The following RPS6KC1 variants were observed in gnomAD, a reference collection of about 807,000 sequenced individuals.
RPS6KC1 encodes the protein inactive ribosomal protein S6 kinase delta-1.
A neutral mutation model predicts 103.8 loss-of-function variants in RPS6KC1; 54 were observed. The observed-to-expected ratio is 0.52, with a 90% CI of 0.42 to 0.65. The LOEUF (loss-of-function observed/expected upper bound fraction) is 0.65. RPS6KC1 is among the 30% of genes least tolerant of loss of function. The pLI, the probability that RPS6KC1 is intolerant of heterozygous loss-of-function variation, is 0.00. For missense variants in RPS6KC1, 1,151 were observed against 1,253.8 expected (o/e 0.92, Z 1.24); for synonymous variants, 439 against 438.7 (o/e 1.00, Z -0.01).
At chr1:213,151,905 G>C (rs1263766249) in intron 6 of RPS6KC1, among the ~76,000 whole-genome samples, 1 of 122,410 alleles carries the variant, frequency 8.2e-6, no homozygotes, top group Non-Finnish European at 1.7e-5. Context: ...CCTCCAAGAC[G>C]GGGCGGCTGG....
the RPS6KC1 span, among the ~76,000 whole-genome samples, chr1:213,661,901 AATGAG>A: frequency 6.6e-6 from 1 of 152,204 alleles, no homozygotes; most frequent in Non-Finnish European, 1.5e-5. Context: ...AGATTGAATG[AATGAG>A]ATATCACTAT....
chr1:213,667,632 C>T, the RPS6KC1 span, among the ~76,000 whole-genome samples: 1 of 152,112 alleles, frequency 6.6e-6, no homozygotes, highest in Non-Finnish European at 1.5e-5. Flanking sequence ...TAAAATAGTA[C>T]AGTGAAGTTT....
chr1:213,568,921 C>A, the RPS6KC1 span, among the ~76,000 whole-genome samples: 1 of 152,174 alleles, frequency 6.6e-6, no homozygotes, highest in Non-Finnish European at 1.5e-5. Context: ...TTGCCAACAA[C>A]CATGAGCGGG....
At chr1:213,764,074 G>C in the RPS6KC1 span, among the ~76,000 whole-genome samples, 1 of 152,156 alleles carries the variant, frequency 6.6e-6, no homozygotes, top group African/African-American at 2.4e-5. Context: ...TGTCAAATGT[G>C]TCCCCTAATT....
chr1:213,539,693 GA>G, the RPS6KC1 span, among the ~76,000 whole-genome samples: 5,317 of 152,290 alleles, frequency 0.035, 486 homozygotes, highest in East Asian at 0.28. Context: ...AGATCTACTG[GA>G]CTGGATCAAT....
At chr1:213,634,899 G>A in the RPS6KC1 span, among the ~76,000 whole-genome samples, 2 of 151,652 alleles carry the variant, frequency 1.3e-5, no homozygotes, top group Non-Finnish European at 2.9e-5. Context: ...GAAGAAAAGA[G>A]AGAAGAATCA....
chr1:213,455,687 T>C, the RPS6KC1 span, among the ~76,000 whole-genome samples: 1 of 152,188 alleles, frequency 6.6e-6, no homozygotes, highest in Non-Finnish European at 1.5e-5. Context: ...TGACAGAACC[T>C]TGATTAATAC....
the RPS6KC1 span, among the ~76,000 whole-genome samples, chr1:213,280,181 A>G: frequency 6.6e-6 from 1 of 152,186 alleles, no homozygotes; most frequent in African/African-American, 2.4e-5. Flanking sequence ...GGGAAAAGAC[A>G]AGGGGATCAG....
At chr1:213,327,168 G>A in the RPS6KC1 span, among the ~76,000 whole-genome samples, 5 of 151,454 alleles carry the variant, frequency 3.3e-5, no homozygotes, top group South Asian at 2.1e-4. Flanking sequence ...CCTGCAGTGC[G>A]GGGGTGTGAG....
At chr1:213,289,565 C>T in the RPS6KC1 span, among the ~76,000 whole-genome samples, 139,895 of 152,222 alleles carry the variant, frequency 0.92, 64,437 homozygotes, top group Non-Finnish European at 0.95. Flanking sequence ...GAATGGGACA[C>T]GCATAGGGGA....
the RPS6KC1 span, among the ~76,000 whole-genome samples, chr1:213,384,281 A>ATATAT: frequency 1.3e-4 from 18 of 141,026 alleles, no homozygotes; most frequent in African/African-American, 5.5e-4. Flanking sequence ...ATCTCAAAAA[A>ATATAT]AAATATATAT....
At chr1:213,256,926 C>T (rs778669772) in intron 12 of RPS6KC1, among the ~76,000 whole-genome samples, 1 of 152,164 alleles carries the variant, frequency 6.6e-6, no homozygotes, top group African/African-American at 2.4e-5. Context: ...AGAGGTGATA[C>T]GAAATGAGTA....
the RPS6KC1 span, among the ~76,000 whole-genome samples, chr1:213,861,716 A>G: frequency 6.6e-6 from 1 of 152,186 alleles, no homozygotes; most frequent in Admixed American, 6.5e-5. Flanking sequence ...ACTGTTTTTC[A>G]ACATTTATTT....
chr1:213,859,074 C>G, the RPS6KC1 span, among the ~76,000 whole-genome samples: 4 of 152,126 alleles, frequency 2.6e-5, no homozygotes, highest in African/African-American at 9.7e-5. Context: ...CATGTTTATG[C>G]AGACCAAGGC....
chr1:213,056,430 A>T (rs907463315), intron 1 of RPS6KC1, among the ~76,000 whole-genome samples: 1 of 152,190 alleles, frequency 6.6e-6, no homozygotes, highest in Non-Finnish European at 1.5e-5. Flanking sequence ...ATTTTTCATT[A>T]GGTGCTGTGA....
chr1:213,370,287 T>TTTTATTTTATTTTATTTTA, the RPS6KC1 span, among the ~76,000 whole-genome samples: 242 of 127,612 alleles, frequency 1.9e-3, 4 homozygotes, highest in African/African-American at 7.8e-3. Flanking sequence ...ATTTTATTTT[T>TTTTATTTTATTTTATTTTA]TTTGCATGTA....
the RPS6KC1 span, among the ~76,000 whole-genome samples, chr1:213,745,588 T>C: frequency 1.3e-5 from 2 of 152,098 alleles, no homozygotes; most frequent in African/African-American, 4.8e-5. Flanking sequence ...ACTGATCTTG[T>C]CTGAGCGCCC....
the RPS6KC1 span, among the ~76,000 whole-genome samples, chr1:213,752,226 G>T: frequency 6.6e-6 from 1 of 152,092 alleles, no homozygotes; most frequent in African/African-American, 2.4e-5. Flanking sequence ...AAACTACAGT[G>T]AATCTAAGCT....
the RPS6KC1 span, among the ~76,000 whole-genome samples, chr1:213,602,028 C>CCTT: frequency 1.7e-4 from 2 of 11,876 alleles, no homozygotes; most frequent in Non-Finnish European, 3.9e-4. Context: ...TTCTTTCTTT[C>CCTT]TCTTTCTCTT....
Sources: allele counts gnomAD v4.1 joint callset (sites outside exome capture counted in the v4.1 genomes callset), GRCh38; gene constraint gnomAD v4.1.1; transcripts MANE v1.5; gene names NCBI Gene and HGNC (gene_info 2026-07-23, HGNC 2026-07-21).